The following MPPED1 variants were observed in gnomAD, a reference collection of about 807,000 sequenced individuals.
MPPED1 encodes metallophosphoesterase domain-containing protein 1.
MPPED1 carries 16 observed loss-of-function variants against 36.2 expected under a neutral mutation model. The ratio of observed to expected loss-of-function variants is 0.44; its 90% CI spans 0.30 to 0.67. MPPED1 has a LOEUF of 0.67. Ranked by LOEUF, MPPED1 falls within the 30% of genes least tolerant of loss-of-function variation. The pLI, the probability that MPPED1 is intolerant of heterozygous loss-of-function variation, is 0.10. For synonymous variants in MPPED1, 199 were observed against 191.3 expected (o/e 1.04, Z -0.33); for missense variants, 307 against 453.4 (o/e 0.68, Z 2.93).
chr22:43,485,933 C>CTCGGGCAGCCA (rs1386797552), intron 4 of MPPED1, among the ~76,000 whole-genome samples: 3 of 152,252 alleles, frequency 2.0e-5, no homozygotes, highest in African/African-American at 7.2e-5. Context: ...CCTGTCCCCT[C>CTCGGGCAGCCA]TCGGGCAGCC....
At chr22:43,498,104 G>T in intron 4 of MPPED1, 131 bp from the exon 5 acceptor site, 3 of 633,990 alleles carry the variant, frequency 4.7e-6, no homozygotes, top group Non-Finnish European at 5.4e-6. Context: ...TCCCTAGGTG[G>T]AGACCTTCCC....
chr22:43,488,488 C>G (rs866216962), intron 4 of MPPED1, among the ~76,000 whole-genome samples: 4 of 152,190 alleles, frequency 2.6e-5, no homozygotes, highest in Non-Finnish European at 5.9e-5. Context: ...GACTGTTTAA[C>G]GATTGGCCAC....
intron 1 of MPPED1, among the ~76,000 whole-genome samples, chr22:43,419,768 G>A (rs1330752384): frequency 6.6e-6 from 1 of 152,142 alleles, no homozygotes; most frequent in East Asian, 1.9e-4. Flanking sequence ...GAGGCACAGA[G>A]AGGTGGGTCC....
chr22:43,500,346 GTGA>G (rs1484315763), intron 5 of MPPED1, among the ~76,000 whole-genome samples: 11 of 147,218 alleles, frequency 7.5e-5, no homozygotes, highest in Admixed American at 2.0e-4. Flanking sequence ...GGTGGTGGTG[GTGA>G]TGGTGATGGA....
At chr22:43,430,018 T>A (rs1929618928) in intron 2 of MPPED1, among the ~76,000 whole-genome samples, 1 of 151,972 alleles carries the variant, frequency 6.6e-6, no homozygotes, top group African/African-American at 2.4e-5. Flanking sequence ...TTGGGGCAGT[T>A]GTTGTGTGAT....
chr22:43,427,416 G>A (rs571334326), intron 2 of MPPED1, among the ~76,000 whole-genome samples: 1 of 152,048 alleles, frequency 6.6e-6, no homozygotes, highest in Non-Finnish European at 1.5e-5. Flanking sequence ...GCGGCAGGTC[G>A]GAGCCTGCAG....
intron 4 of MPPED1, among the ~76,000 whole-genome samples, chr22:43,484,522 C>T (rs892867885): frequency 6.6e-6 from 1 of 152,230 alleles, no homozygotes; most frequent in East Asian, 1.9e-4. Context: ...TCCCTGTCCC[C>T]TTCTGTGACG....
chr22:43,447,186 C>T (rs1326539484), intron 3 of MPPED1, among the ~76,000 whole-genome samples: 3 of 152,196 alleles, frequency 2.0e-5, no homozygotes, highest in Non-Finnish European at 2.9e-5. Context: ...CTCTCCAGCT[C>T]ATTCAAGGCT....
At chr22:43,466,075 G>T (rs774813851) in intron 3 of MPPED1, among the ~76,000 whole-genome samples, 1 of 152,238 alleles carries the variant, frequency 6.6e-6, no homozygotes, top group Non-Finnish European at 1.5e-5. Context: ...GAAACAAGCA[G>T]TTGAAGATGA....
intron 3 of MPPED1, among the ~76,000 whole-genome samples, chr22:43,467,739 G>A (rs960846832): frequency 9.2e-5 from 14 of 152,268 alleles, no homozygotes; most frequent in African/African-American, 3.4e-4. Flanking sequence ...TGTTCTGCGA[G>A]ATGGGAATGG....
At chr22:43,454,071 C>T (rs1395338011) in intron 3 of MPPED1, among the ~76,000 whole-genome samples, 1 of 150,824 alleles carries the variant, frequency 6.6e-6, no homozygotes, top group Admixed American at 6.6e-5. Flanking sequence ...TGCAGTGGTG[C>T]GATCTAGGCT....
At chr22:43,447,432 C>T (rs1290129770) in intron 3 of MPPED1, among the ~76,000 whole-genome samples, 3 of 152,054 alleles carry the variant, frequency 2.0e-5, no homozygotes, top group South Asian at 2.1e-4. Context: ...TGTGTCCCCG[C>T]GTGCACATAA....
At chr22:43,505,432 C>A in intron 6 of MPPED1, 66 bp from the exon 7 acceptor site, 1 of 1,442,858 alleles carries the variant, frequency 6.9e-7, no homozygotes, top group South Asian at 1.3e-5. Context: ...CCTATGACTG[C>A]CACACCCCCC....
intron 2 of MPPED1, among the ~76,000 whole-genome samples, chr22:43,430,428 C>G (rs1929634005): frequency 6.6e-6 from 1 of 152,188 alleles, no homozygotes; most frequent in African/African-American, 2.4e-5. Flanking sequence ...CCCTACAGAG[C>G]AGGGCTGGAG....
chr22:43,480,141 TG>T (rs1221166761), intron 4 of MPPED1, among the ~76,000 whole-genome samples: 1 of 152,124 alleles, frequency 6.6e-6, no homozygotes, highest in African/African-American at 2.4e-5. Context: ...TTGACTTCCT[TG>T]TTTGTTGAGC....
intron 3 of MPPED1, among the ~76,000 whole-genome samples, chr22:43,463,811 CTTTCTT>C (rs1931045455): frequency 4.1e-5 from 1 of 24,210 alleles, no homozygotes; most frequent in Admixed American, 3.5e-4. Flanking sequence ...TTTTTCTTTT[CTTTCTT>C]TCTTTCTTTC....
At chr22:43,460,478 G>A (rs1379634784) in intron 3 of MPPED1, among the ~76,000 whole-genome samples, 1 of 151,890 alleles carries the variant, frequency 6.6e-6, no homozygotes, top group African/African-American at 2.4e-5. Context: ...CCACAGGCGA[G>A]CACCAACACA....
chr22:43,474,947 C>T lies in MPPED1; in HGVS notation c.618C>T (p.Ile206=). 6.2e-7 allele frequency: 1 copy of T among 1,613,954 alleles called. No homozygotes were observed. The highest frequency in any genetic ancestry group is 1.3e-5 in the African/African-American group (1 of 75,050). The change falls in exon 4 of 7, where the codon ATC becomes ATT. Residue 206 remains isoleucine (I), a synonymous_variant. Coordinates refer to ENST00000443721, the MANE Select transcript of MPPED1 (RefSeq NM_001044370.2). This position sits in a 1 kb window ranked among gnomAD's most constrained non-coding sequence, Gnocchi z 5.2. Reference sequence around the variant, plus strand: ...AGGTCACCGTGCGGGGCTTCCGGATCTATGGCTCCCCATGGTGAGTGGGCC... The same window carrying T: ...AGGTCACCGTGCGGGGCTTCCGGATTTATGGCTCCCCATGGTGAGTGGGCC... ...DSEVTVRGFR[I]YGSPWQPWFY... is the part of the protein sequence containing the mutation.
chr22:43,416,168 G>A (rs916008028), intron 1 of MPPED1, among the ~76,000 whole-genome samples: 2 of 152,164 alleles, frequency 1.3e-5, no homozygotes, highest in Admixed American at 1.3e-4. Context: ...TTCTGCCCTG[G>A]GTTCCCTGCA....
Sources: gnomAD v4.1 joint callset for allele counts (sites outside exome capture counted in the v4.1 genomes callset) on GRCh38, gnomAD v4.1.1 for gene constraint, Gnocchi (gnomAD v3.1) non-coding constraint, MANE v1.5 for transcripts, NCBI Gene and HGNC (gene_info 2026-07-23, HGNC 2026-07-21) for gene names.